STXBP4: variants seen among roughly 807,000 people sequenced by gnomAD.
STXBP4 encodes syntaxin-binding protein 4.
A neutral mutation model predicts 76.1 loss-of-function variants in STXBP4; 55 were observed. The observed-to-expected ratio is 0.72, with a 90% CI of 0.58 to 0.91. The LOEUF is 0.91. Among genes scored for constraint, STXBP4 ranks in the 40% least tolerant of loss-of-function variants. STXBP4 has a pLI of 0.00. For missense variants in STXBP4, 618 were observed against 636.9 expected, an observed-to-expected ratio of 0.97 and a Z score of 0.32; for synonymous variants, 201 against 220.2, an observed-to-expected ratio of 0.91 and a Z score of 0.77.
At chr17:55,129,643 C>A (rs2079953519) in intron 16 of STXBP4, among the ~76,000 whole-genome samples, 1 of 152,106 alleles carries the variant, frequency 6.6e-6, no homozygotes, top group South Asian at 2.1e-4. Context: ...TAGTTAAGTT[C>A]TTTTTATTTT....
intron 16 of STXBP4, among the ~76,000 whole-genome samples, chr17:55,134,313 TAC>T (rs1229802810): frequency 6.6e-6 from 1 of 152,032 alleles, no homozygotes; most frequent in Non-Finnish European, 1.5e-5. Context: ...TTTAATGAAG[TAC>T]ACAGTTATTT....
chr17:55,134,984 C>T (rs566944297), intron 16 of STXBP4, among the ~76,000 whole-genome samples: 10 of 152,220 alleles, frequency 6.6e-5, no homozygotes, highest in Non-Finnish European at 1.3e-4. Context: ...AATGTCTGTA[C>T]ATCAGAGTTC....
intron 16 of STXBP4, among the ~76,000 whole-genome samples, chr17:55,099,906 T>C (rs192924024): frequency 3.5e-3 from 529 of 152,278 alleles, no homozygotes; most frequent in Middle Eastern, 0.024. Context: ...GATTATACCT[T>C]TTTTTCAGAG....
intron 1 of STXBP4, among the ~76,000 whole-genome samples, chr17:54,984,211 G>T (rs1011366754): frequency 1.3e-5 from 2 of 151,966 alleles, no homozygotes; most frequent in Admixed American, 1.3e-4. Flanking sequence ...GATTTCTTCT[G>T]CATACAGTGG....
chr17:55,086,346 G>C (rs1433895777), intron 16 of STXBP4, among the ~76,000 whole-genome samples: 1 of 152,116 alleles, frequency 6.6e-6, no homozygotes, highest in Admixed American at 6.6e-5. Context: ...AGTCAGATAA[G>C]AGTAACTAGC....
chr17:55,003,608 A>G (rs1027153461), intron 7 of STXBP4, among the ~76,000 whole-genome samples: 5 of 152,232 alleles, frequency 3.3e-5, no homozygotes, highest in Non-Finnish European at 7.3e-5. Context: ...AATACAAAAA[A>G]TATAAACAAA....
intron 17 of STXBP4, among the ~76,000 whole-genome samples, chr17:55,142,045 C>T (rs1567780110): frequency 1.3e-5 from 2 of 151,974 alleles, no homozygotes; most frequent in Non-Finnish European, 2.9e-5. Flanking sequence ...GAGTAGTTAC[C>T]AAAAAATCTA....
At chr17:55,088,240 T>G (rs2144951200) in intron 16 of STXBP4, among the ~76,000 whole-genome samples, 1 of 152,346 alleles carries the variant, frequency 6.6e-6, no homozygotes, top group East Asian at 1.9e-4. Context: ...TTTTCTTTCT[T>G]TGCCTTGGCT....
chr17:55,168,647 TATG>T lies in STXBP4; in HGVS notation c.*8739_*8741del, dbSNP rs781619829. 15 of 152,354 alleles carry T rather than the reference TATG, an allele frequency of 9.8e-5. No homozygotes were observed. The highest frequency in any genetic ancestry group is 5.9e-5 in the Non-Finnish European group (4 of 68,022). 9.4% of individuals were successfully genotyped at this position (152,354 alleles called of 1,614,324 possible). A position where few individuals can be genotyped will look rare whatever the true frequency, so the allele number is the denominator to read the frequency against. ...GTGTAAAAGAGAATGAAATATTAAT[TATG>T]ATATTTACAAAGCTCTGTACATTCA... is the stretch of plus-strand genomic sequence containing the variant. On this transcript the variant is annotated 3_prime_UTR_variant, in exon 18 of 18. Transcript: ENST00000376352.
chr17:55,096,522 TATAAG>T (rs1038201819), intron 16 of STXBP4, among the ~76,000 whole-genome samples: 2 of 152,106 alleles, frequency 1.3e-5, no homozygotes, highest in Admixed American at 1.3e-4. Flanking sequence ...TTCAATCTGC[TATAAG>T]ATATCTCCCT....
chr17:55,169,453 C>T lies in STXBP4; in HGVS notation c.*9542C>T, dbSNP rs913681595. The T allele has an allele frequency of 1.3e-5, 2 of 152,180 alleles. No individual in the cohort carries two copies. The highest frequency in any genetic ancestry group is 1.9e-4 in the East Asian group (1 of 5,190). The allele number at this position is 152,180 out of a possible 1,614,324, so 9.4% of individuals were successfully genotyped here. On this transcript the variant is annotated 3_prime_UTR_variant, in exon 18 of 18. Coordinates refer to ENST00000376352, the MANE Select transcript of STXBP4 (RefSeq NM_178509.6). ...GTTCCTGTAGCCTGAGGACAGCCGT[C>T]CAACAAAGAGGTGCAGGTGCTGAAT...
the STXBP4 span, among the ~76,000 whole-genome samples, chr17:55,210,425 G>T: frequency 5.9e-5 from 9 of 152,134 alleles, no homozygotes; most frequent in Admixed American, 2.0e-4. Flanking sequence ...CTTAAATTAG[G>T]CCTCAGAAGG....
At chr17:55,048,363 G>C (rs1007931024) in intron 12 of STXBP4, among the ~76,000 whole-genome samples, 1 of 151,824 alleles carries the variant, frequency 6.6e-6, no homozygotes, top group African/African-American at 2.4e-5. Flanking sequence ...CTTGAACTAA[G>C]AACTTTTTCT....
intron 4 of STXBP4, among the ~76,000 whole-genome samples, chr17:54,993,168 C>T (rs2077745823): frequency 6.6e-6 from 1 of 152,170 alleles, no homozygotes; most frequent in Non-Finnish European, 1.5e-5. Flanking sequence ...ATGATATCTA[C>T]TTTTTCTTGT....
chr17:55,177,712 G>A (rs1309135808), downstream of STXBP4, among the ~76,000 whole-genome samples: 1 of 152,134 alleles, frequency 6.6e-6, no homozygotes, highest in Non-Finnish European at 1.5e-5. Context: ...GCTTTGTTTT[G>A]TTTTCATTTT....
chr17:55,107,589 G>A (rs538123249), intron 16 of STXBP4, among the ~76,000 whole-genome samples: 27 of 152,230 alleles, frequency 1.8e-4, no homozygotes, highest in Non-Finnish European at 2.9e-4. Flanking sequence ...GGTGACCTTT[G>A]GTTGGGGTTT....
intron 16 of STXBP4, among the ~76,000 whole-genome samples, chr17:55,131,851 C>G (rs1435140200): frequency 6.6e-6 from 1 of 152,182 alleles, no homozygotes; most frequent in African/African-American, 2.4e-5. Flanking sequence ...AACTCTCTGT[C>G]TTCCAGGCTC....
chr17:55,198,557 G>C, the STXBP4 span, among the ~76,000 whole-genome samples: 1 of 152,142 alleles, frequency 6.6e-6, no homozygotes, highest in Non-Finnish European at 1.5e-5. Context: ...CTGAAATCAA[G>C]ATTTCTCTGG....
rs1437383029 is a variant in STXBP4, at chr17:55,161,673, C to T, written c.*1762C>T. The T allele has an allele frequency of 6.6e-6, 1 of 152,138 alleles. No individual in the cohort carries two copies. The highest frequency in any genetic ancestry group is 1.5e-5 in the Non-Finnish European group (1 of 68,028). 9.4% of individuals were successfully genotyped at this position (152,138 alleles called of 1,614,324 possible). A position where few individuals can be genotyped will look rare whatever the true frequency, so the allele number is the denominator to read the frequency against. ...TTGCCGCCCTGTTTCTGTCAAATAC[C>T]TAGTGAAAAAGGCCTAAACAATTGT... On this transcript the variant is annotated 3_prime_UTR_variant, in exon 18 of 18. Transcript: ENST00000376352.
Sources: gnomAD v4.1 joint callset for allele counts (sites outside exome capture counted in the v4.1 genomes callset) on GRCh38, gnomAD v4.1.1 for gene constraint, MANE v1.5 for transcripts, NCBI Gene and HGNC (gene_info 2026-07-23, HGNC 2026-07-21) for gene names.